WWOX: variants seen among roughly 807,000 people sequenced by gnomAD.
The protein encoded by WWOX is WW domain containing oxidoreductase, also known as WW domain-containing oxidoreductase.
WWOX carries 69 observed loss-of-function variants against 46.2 expected under a neutral mutation model. The ratio of observed to expected loss-of-function variants is 1.49; its 90% CI spans 1.23 to 1.82. The LOEUF is 1.82. WWOX is among the 40% of genes most tolerant of loss of function. The pLI is 0.00. For synonymous variants in WWOX, 359 were observed against 202.6 expected (o/e 1.77, Z -6.56); for missense variants, 919 against 542.6 (o/e 1.69, Z -6.89).
chr16:79,143,631 G>A (rs893978023), intron 8 of WWOX, among the ~76,000 whole-genome samples: 1 of 152,128 alleles, frequency 6.6e-6, no homozygotes, highest in African/African-American at 2.4e-5. Flanking sequence ...AATAAATAGA[G>A]TATTCGCCAA....
intron 5 of WWOX, among the ~76,000 whole-genome samples, chr16:78,278,912 C>G (rs1039751331): frequency 1.6e-4 from 25 of 152,014 alleles, no homozygotes; most frequent in African/African-American, 6.0e-4. Context: ...TACGTGTATA[C>G]ATGTGTTTTT....
intron 8 of WWOX, chr16:79,101,505 T>C (rs1394579838): frequency 1.3e-5 from 2 of 152,142 alleles, no homozygotes; most frequent in East Asian, 3.9e-4. Context: ...CCTATTCCCA[T>C]ATCCCAGCCT....
At chr16:78,697,641 G>A (rs554338389) in intron 8 of WWOX, among the ~76,000 whole-genome samples, 9 of 152,214 alleles carry the variant, frequency 5.9e-5, no homozygotes, top group Admixed American at 3.3e-4. Flanking sequence ...ACCACCATAC[G>A]TGAAAAAATG....
intron 6 of WWOX, among the ~76,000 whole-genome samples, chr16:78,393,464 G>A (rs2082218875): frequency 6.6e-6 from 1 of 152,164 alleles, no homozygotes; most frequent in African/African-American, 2.4e-5. Context: ...CGTGAGACCA[G>A]CCTGGGCAAC....
intron 8 of WWOX, among the ~76,000 whole-genome samples, chr16:78,448,565 A>G (rs2083614056): frequency 6.6e-6 from 1 of 152,146 alleles, no homozygotes; most frequent in Non-Finnish European, 1.5e-5. Flanking sequence ...AACCGAAAGT[A>G]GTGTCAAGCA....
chr16:78,421,340 T>C (rs2082925440), intron 6 of WWOX, among the ~76,000 whole-genome samples: 1 of 152,096 alleles, frequency 6.6e-6, no homozygotes, highest in Non-Finnish European at 1.5e-5. Flanking sequence ...CCTTGGAATT[T>C]CTTGGCTTTT....
intron 4 of WWOX, among the ~76,000 whole-genome samples, chr16:78,156,140 T>C (rs1475799681): frequency 1.3e-5 from 2 of 152,184 alleles, no homozygotes; most frequent in Admixed American, 6.5e-5. Context: ...CAGAGACAGA[T>C]GGCTTACCCG....
chr16:79,202,023 C>G (rs1265728565), intron 8 of WWOX, among the ~76,000 whole-genome samples: 2 of 151,928 alleles, frequency 1.3e-5, no homozygotes, highest in African/African-American at 4.8e-5. Flanking sequence ...GATTGACAAA[C>G]TATGGCCTGC....
At chr16:79,066,555 C>G (rs1034894081) in intron 8 of WWOX, among the ~76,000 whole-genome samples, 1 of 152,170 alleles carries the variant, frequency 6.6e-6, no homozygotes. Flanking sequence ...TCCAGGAAGC[C>G]TCATTGGATT....
At position 79,028,669 on chromosome 16, in the gene WWOX, C is replaced by G. The variant is rs554244053; in HGVS notation, c.1057-182939C>G. Among the ~76,000 whole-genome samples the G allele has an allele frequency of 2.0e-5, 3 of 151,650 alleles. No individual in the cohort carries two copies. In the South Asian group the frequency reaches 6.2e-4, roughly 32 times the overall value. ...AAAACGCTTCAGTGCGTGTTTCTTTCGACATTACACATAAGCCCCCATGGA... is the reference window on the plus strand; with the variant it reads ...AAAACGCTTCAGTGCGTGTTTCTTTGGACATTACACATAAGCCCCCATGGA... On this transcript the variant is annotated intron_variant, in intron 8 of 8. Coordinates refer to ENST00000566780, the MANE Select transcript of WWOX (RefSeq NM_016373.4).
intron 1 of WWOX, among the ~76,000 whole-genome samples, chr16:78,103,864 C>T (rs991962217): frequency 6.6e-6 from 1 of 152,070 alleles, no homozygotes; most frequent in African/African-American, 2.4e-5. Context: ...GTGCTGTCGG[C>T]CTCTCCTGCT....
intron 8 of WWOX, among the ~76,000 whole-genome samples, chr16:79,076,412 C>T (rs2048657207): frequency 6.6e-6 from 1 of 152,322 alleles, no homozygotes; most frequent in African/African-American, 2.4e-5. Flanking sequence ...TGAGAATTTT[C>T]TGAAGCTATT....
chr16:78,838,992 G>A lies in WWOX; in HGVS notation c.1057-372616G>A, dbSNP rs556700018. ...GATGGAAATGTTCTGCATCTTGACTGTCTCAATGTCAATTTCCTGGTTGTG... is the reference window on the plus strand; with the variant it reads ...GATGGAAATGTTCTGCATCTTGACTATCTCAATGTCAATTTCCTGGTTGTG... On this transcript the variant is annotated intron_variant, in intron 8 of 8. Transcript: ENST00000566780. Among the ~76,000 whole-genome samples, 7 of 152,266 alleles carry A rather than the reference G, an allele frequency of 4.6e-5. No homozygotes were observed. In the South Asian group the frequency reaches 1.0e-3, roughly 23 times the overall value.
At chr16:78,798,597 T>G (rs898890372) in intron 8 of WWOX, among the ~76,000 whole-genome samples, 3 of 151,724 alleles carry the variant, frequency 2.0e-5, no homozygotes, top group Non-Finnish European at 2.9e-5. Context: ...TTGGGTTTTT[T>G]TTTTTTTTTT....
At chr16:78,882,941 C>G (rs920332967) in intron 8 of WWOX, among the ~76,000 whole-genome samples, 1 of 151,996 alleles carries the variant, frequency 6.6e-6, no homozygotes, top group South Asian at 2.1e-4. Context: ...CCGGCACCAG[C>G]GATGTCGTAG....
intron 5 of WWOX, among the ~76,000 whole-genome samples, chr16:78,178,838 T>A (rs2035434620): frequency 6.8e-6 from 1 of 146,724 alleles, no homozygotes; most frequent in African/African-American, 2.6e-5. Context: ...CATTCCAGCC[T>A]GGGCGACAGA....
chr16:78,642,613 G>T (rs150304997), intron 8 of WWOX, among the ~76,000 whole-genome samples: 1 of 151,990 alleles, frequency 6.6e-6, no homozygotes, highest in Admixed American at 6.6e-5. Context: ...TGTTTTTGTC[G>T]TGGGCTACTG....
chr16:78,180,243 G>A (rs1016851671), intron 5 of WWOX, among the ~76,000 whole-genome samples: 11 of 152,176 alleles, frequency 7.2e-5, no homozygotes, highest in Admixed American at 3.9e-4. Flanking sequence ...AGTGGGAGCC[G>A]ACTGTGATGC....
chr16:78,976,890 C>G (rs1317641888), intron 8 of WWOX, among the ~76,000 whole-genome samples: 7 of 152,212 alleles, frequency 4.6e-5, no homozygotes, highest in Admixed American at 1.3e-4. Flanking sequence ...ACGCCGCACT[C>G]CACCTCCCAT....
Sources: allele counts gnomAD v4.1 joint callset (sites outside exome capture counted in the v4.1 genomes callset), GRCh38; gene constraint gnomAD v4.1.1; transcripts MANE v1.5; gene names NCBI Gene and HGNC (gene_info 2026-07-23, HGNC 2026-07-21).